IFT52: variants seen among roughly 807,000 people sequenced by gnomAD.
IFT52 encodes the protein intraflagellar transport protein 52 homolog.
Under a neutral mutation model 54.4 loss-of-function variants are expected in IFT52, and 44 were observed. The ratio of observed to expected loss-of-function variants is 0.81; its 90% CI spans 0.63 to 1.04. The LOEUF is 1.04. Among genes scored for constraint, IFT52 ranks in the 50% least tolerant of loss-of-function variants. IFT52 has a pLI of 0.00. For synonymous variants in IFT52, 181 were observed against 185.3 expected, an observed-to-expected ratio of 0.98 and a Z score of 0.19; for missense variants, 452 against 523.6, an observed-to-expected ratio of 0.86 and a Z score of 1.33.
At chr20:43,609,437 C>T (rs1356226518) in intron 6 of IFT52, among the ~76,000 whole-genome samples, 1 of 151,980 alleles carries the variant, frequency 6.6e-6, no homozygotes, top group East Asian at 1.9e-4. Context: ...ATACCACACC[C>T]CAAAATGTAT....
intron 12 of IFT52, among the ~76,000 whole-genome samples, chr20:43,638,082 T>C (rs113523479): frequency 4.1e-3 from 620 of 152,206 alleles, no homozygotes; most frequent in Non-Finnish European, 6.0e-3. Flanking sequence ...CTGACATGAA[T>C]TGCCTCCAAC....
chr20:43,626,892 G>A (rs1299156859), intron 10 of IFT52, among the ~76,000 whole-genome samples: 1 of 151,996 alleles, frequency 6.6e-6, no homozygotes, highest in African/African-American at 2.4e-5. Context: ...AGCTGGGCAC[G>A]GTGACTCAAC....
At chr20:43,612,420 C>T (rs1292624685) in intron 6 of IFT52, among the ~76,000 whole-genome samples, 4 of 151,858 alleles carry the variant, frequency 2.6e-5, no homozygotes, top group African/African-American at 2.4e-5. Context: ...AGGCCAGGCC[C>T]GGTGGTTTAT....
chr20:43,640,916 A>G (rs1379521173), intron 12 of IFT52, among the ~76,000 whole-genome samples: 2 of 151,792 alleles, frequency 1.3e-5, no homozygotes, highest in Non-Finnish European at 2.9e-5. Context: ...CTGTAGTCCA[A>G]GCTACTTGGG....
At chr20:43,594,929 A>C in intron 2 of IFT52, 112 bp downstream of exon 2, 1 of 700,728 alleles carries the variant, frequency 1.4e-6, no homozygotes, top group Non-Finnish European at 2.5e-6. Context: ...GAGAAGCTCA[A>C]TTTAAAGATT....
chr20:43,593,942 A>C (rs1359059811), intron 1 of IFT52, among the ~76,000 whole-genome samples: 1 of 152,186 alleles, frequency 6.6e-6, no homozygotes, highest in Non-Finnish European at 1.5e-5. Flanking sequence ...GGTTAGGTGA[A>C]ACAGGTGTTT....
intron 12 of IFT52, among the ~76,000 whole-genome samples, chr20:43,639,428 T>C (rs1334892138): frequency 6.6e-6 from 1 of 151,792 alleles, no homozygotes; most frequent in Non-Finnish European, 1.5e-5. Context: ...CCCGGCACAT[T>C]GGGAGGCCAA....
chr20:43,601,859 A>C (rs543073513), intron 3 of IFT52, among the ~76,000 whole-genome samples: 9 of 152,246 alleles, frequency 5.9e-5, no homozygotes, highest in Non-Finnish European at 8.8e-5. Context: ...GTCCAGGATC[A>C]TGCAGTTATA....
At chr20:43,627,273 C>G (rs921879380) in intron 10 of IFT52, among the ~76,000 whole-genome samples, 9 of 152,044 alleles carry the variant, frequency 5.9e-5, no homozygotes, top group African/African-American at 2.2e-4. Flanking sequence ...TTCTGAGAGC[C>G]AAGCAAAGAA....
At chr20:43,603,505 G>A (rs1982616433) in intron 3 of IFT52, among the ~76,000 whole-genome samples, 1 of 152,130 alleles carries the variant, frequency 6.6e-6, no homozygotes. Context: ...CTTTAGTTAA[G>A]TTTTTCACTT....
At chr20:43,619,396 G>A (rs1022280329) in intron 8 of IFT52, among the ~76,000 whole-genome samples, 1 of 152,138 alleles carries the variant, frequency 6.6e-6, no homozygotes, top group African/African-American at 2.4e-5. Context: ...CAGCAGCCTT[G>A]AGCATAGCCA....
chr20:43,594,992 G>A (rs1412845625), intron 2 of IFT52, among the ~76,000 whole-genome samples, 175 bp downstream of exon 2: 2 of 152,000 alleles, frequency 1.3e-5, no homozygotes, highest in African/African-American at 4.8e-5. Context: ...CAGCAGTTTG[G>A]GAGGCTGAGG....
intron 10 of IFT52, among the ~76,000 whole-genome samples, chr20:43,626,614 C>T (rs891588119): frequency 6.6e-6 from 1 of 151,704 alleles, no homozygotes; most frequent in African/African-American, 2.4e-5. Context: ...CTTTCTTTTC[C>T]TTTTTTTCTG....
intron 10 of IFT52, among the ~76,000 whole-genome samples, chr20:43,628,655 A>G (rs1984926861): frequency 6.6e-6 from 1 of 152,204 alleles, no homozygotes; most frequent in African/African-American, 2.4e-5. Context: ...GTTTGAGACC[A>G]GCCTGGCCAG....
intron 3 of IFT52, among the ~76,000 whole-genome samples, chr20:43,596,985 C>T (rs1271765404): frequency 6.6e-6 from 1 of 151,568 alleles, no homozygotes; most frequent in Non-Finnish European, 1.5e-5. Flanking sequence ...TTGTGATCTG[C>T]CTACCTCAGC....
At position 43,623,942 on chromosome 20, in the gene IFT52, CGA is replaced by C; in HGVS notation, c.824_825del (p.Glu275ValfsTer6). ...PYTATLSKRN[R>X]ECLQESDEIP... is the part of the protein sequence containing the mutation. ...CACAGCCACCCTATCAAAGCGGAAT[CGA>C]GAGTGTCTCCAGGAGAGTGATGAGA... On this transcript the variant is annotated frameshift_variant, in exon 10 of 14. Coordinates refer to ENST00000373030, the MANE Select transcript of IFT52 (RefSeq NM_016004.5). LOFTEE classifies it high-confidence loss of function. The C allele has an allele frequency of 6.2e-7, 1 of 1,614,130 alleles. No individual in the cohort carries two copies.
chr20:43,591,301 G>A (rs528397279), intron 1 of IFT52, among the ~76,000 whole-genome samples: 10 of 152,250 alleles, frequency 6.6e-5, no homozygotes, highest in Admixed American at 6.5e-4. Context: ...CATGGGACGA[G>A]GAATCGTACA....
chr20:43,623,818 T>G, intron 9 of IFT52, 73 bp from the exon 10 acceptor site: 8 of 1,482,756 alleles, frequency 5.4e-6, no homozygotes, highest in Non-Finnish European at 6.5e-6. Flanking sequence ...GATTTAGACC[T>G]GAGACAGTGG....
chr20:43,620,571 G>T (rs191766725), intron 8 of IFT52, among the ~76,000 whole-genome samples: 2 of 152,244 alleles, frequency 1.3e-5, no homozygotes, highest in African/African-American at 4.8e-5. Context: ...CAGGAGAATC[G>T]CTTGAACCCA....
Sources: gnomAD v4.1 joint callset for allele counts (sites outside exome capture counted in the v4.1 genomes callset) on GRCh38, gnomAD v4.1.1 for gene constraint, MANE v1.5 for transcripts, NCBI Gene and HGNC (gene_info 2026-07-23, HGNC 2026-07-21) for gene names.